The following RGS10 variants were observed in gnomAD, a reference collection of about 807,000 sequenced individuals.
The protein encoded by RGS10 is regulator of G protein signaling 10.
In RGS10, 11 loss-of-function variants were observed where a neutral mutation model predicts 23.5. That is an observed-to-expected ratio of 0.47 (90% CI 0.29 to 0.77). The LOEUF is 0.77. Among genes scored for constraint, RGS10 ranks in the 30% least tolerant of loss-of-function variants. RGS10 has a pLI of 0.08. For synonymous variants in RGS10, 77 were observed against 83.2 expected (o/e 0.92, Z 0.41); for missense variants, 180 against 226.3 (o/e 0.80, Z 1.31).
At chr10:119,540,234 T>G (rs1844424237) in intron 1 of RGS10, among the ~76,000 whole-genome samples, 1 of 152,070 alleles carries the variant, frequency 6.6e-6, no homozygotes, top group Admixed American at 6.5e-5. Context: ...TTCCTTCCTT[T>G]TTTCTTCCTT....
In RGS10 at chr10:119,524,899, G is replaced by T. The variant is rs980011012; in HGVS notation, c.255+1133C>A. 8.5e-5 allele frequency among the ~76,000 whole-genome samples: 13 copies of T among 152,154 alleles called. No homozygotes were observed. The highest frequency in any genetic ancestry group is 1.5e-4 in the Non-Finnish European group (10 of 68,036). ...CCAGGAGGATGGGTGTCTGCGCCCGGAAAGGCCTTTGAATAAACCCATGAT... is the reference window on the plus strand; with the variant it reads ...CCAGGAGGATGGGTGTCTGCGCCCGTAAAGGCCTTTGAATAAACCCATGAT... On this transcript the variant is annotated intron_variant, in intron 3 of 4. Transcript: ENST00000369103. The surrounding 1 kb of genome is among the most constrained non-coding windows in gnomAD (Gnocchi z 5.2).
At chr10:119,529,102 C>A (rs1844308020) in intron 1 of RGS10, among the ~76,000 whole-genome samples, 1 of 152,076 alleles carries the variant, frequency 6.6e-6, no homozygotes, top group Non-Finnish European at 1.5e-5. Flanking sequence ...GCATGTGATC[C>A]CTTCCTGGAG....
chr10:119,542,475 G>C (rs1023758829), intron 1 of RGS10, 115 bp downstream of exon 1: 3 of 904,010 alleles, frequency 3.3e-6, no homozygotes, highest in African/African-American at 1.7e-5. Flanking sequence ...GTCGGCCGGG[G>C]CTCCAGTCTG....
chr10:119,516,950 A>G (rs1844151534), intron 3 of RGS10, among the ~76,000 whole-genome samples: 1 of 152,198 alleles, frequency 6.6e-6, no homozygotes, highest in South Asian at 2.1e-4. Context: ...ACCTTACCCT[A>G]CAGAGCAAGG....
chr10:119,499,993 C>G lies in RGS10; in HGVS notation c.*120G>C. 1 of 949,812 alleles carries G rather than the reference C, an allele frequency of 1.1e-6. No individual in the cohort carries two copies. The highest frequency in any genetic ancestry group is 1.5e-6 in the Non-Finnish European group (1 of 651,220). 58.8% of individuals were successfully genotyped at this position (949,812 alleles called of 1,614,324 possible). A position where few individuals can be genotyped will look rare whatever the true frequency, so the allele number is the denominator to read the frequency against. On this transcript the variant is annotated 3_prime_UTR_variant, in exon 5 of 5. Coordinates refer to ENST00000369103, the MANE Select transcript of RGS10 (RefSeq NM_001005339.2). The stretch of plus-strand genomic sequence containing the variant: ...TGAAGCAGTTAATAAAACACACATC[C>G]CATTGAAGGGTTTTGTACATTTCAG...
intron 1 of RGS10, among the ~76,000 whole-genome samples, chr10:119,531,246 A>G (rs891340258): frequency 6.6e-6 from 1 of 152,216 alleles, no homozygotes; most frequent in Non-Finnish European, 1.5e-5. Context: ...AAGTAAATAA[A>G]TCTAGAGACA....
intron 4 of RGS10, among the ~76,000 whole-genome samples, chr10:119,509,534 T>C (rs761063589): frequency 5.7e-4 from 87 of 152,080 alleles, no homozygotes; most frequent in Non-Finnish European, 9.9e-4. Context: ...AAGGCTACAG[T>C]GAGCCAAGAT....
At chr10:119,502,294 C>A (rs1204322442) in intron 4 of RGS10, among the ~76,000 whole-genome samples, 1 of 152,112 alleles carries the variant, frequency 6.6e-6, no homozygotes, top group East Asian at 1.9e-4. Context: ...CACAAGAGTC[C>A]CCAAGGGGAA....
At chr10:119,540,720 C>T (rs1844427525) in intron 1 of RGS10, among the ~76,000 whole-genome samples, 1 of 152,240 alleles carries the variant, frequency 6.6e-6, no homozygotes, top group African/African-American at 2.4e-5. Flanking sequence ...ATGGTTCTAT[C>T]TGTCAGTCTT....
At chr10:119,528,324 C>T (rs1437366500) in intron 1 of RGS10, among the ~76,000 whole-genome samples, 1 of 152,140 alleles carries the variant, frequency 6.6e-6, no homozygotes, top group African/African-American at 2.4e-5. Context: ...AGCCACCGCG[C>T]CCAGTTCCTC....
At chr10:119,536,531 G>A (rs376313873) in intron 1 of RGS10, 830 of 1,600,256 alleles carry the variant, frequency 5.2e-4, no homozygotes, top group Non-Finnish European at 6.4e-4. Flanking sequence ...TCCCAGAGAC[G>A]CCTTGTGTGA....
chr10:119,528,608 C>T lies in RGS10; in HGVS notation c.50-1184G>A, dbSNP rs535180058. On this transcript the variant is annotated intron_variant, in intron 1 of 4. Coordinates refer to ENST00000369103, the MANE Select transcript of RGS10 (RefSeq NM_001005339.2). ...GTGCAGTGGCTCACACTTGTAATCC[C>T]AGCACTTTGGGAGGCCAAGGCAGGC... 1.1e-4 allele frequency among the ~76,000 whole-genome samples: 17 copies of T among 152,150 alleles called. 1 individual carries two copies. The South Asian group carries it at 3.1e-3, about 28-fold the overall frequency.
At chr10:119,522,071 C>A (rs1844224857) in intron 3 of RGS10, among the ~76,000 whole-genome samples, 2 of 152,186 alleles carry the variant, frequency 1.3e-5, no homozygotes, top group South Asian at 4.1e-4. Context: ...AAATGGAATG[C>A]CTTCATCCTA....
At chr10:119,532,651 C>A (rs1844343198) in intron 1 of RGS10, among the ~76,000 whole-genome samples, 1 of 152,076 alleles carries the variant, frequency 6.6e-6, no homozygotes, top group African/African-American at 2.4e-5. Context: ...ATCAGCCTGG[C>A]CAACATGGTG....
chr10:119,542,704 C>CGAG lies in RGS10; in HGVS notation c.-69_-67dup, dbSNP rs1311730284. 8 of 1,264,912 alleles carry CGAG rather than the reference C, an allele frequency of 6.3e-6. No homozygotes were observed. The highest frequency in any genetic ancestry group is 7.1e-6 in the Non-Finnish European group (7 of 988,592). 78.4% of individuals were successfully genotyped at this position (1,264,912 alleles called of 1,614,324 possible). ...GCGCGGCGGCTGAGCCGGAGGAAGG[C>CGAG]GAGGAGGAGGAGGAGGGCGAGGAGG... On this transcript the variant is annotated 5_prime_UTR_variant, in exon 1 of 5. Coordinates refer to ENST00000369103, the MANE Select transcript of RGS10 (RefSeq NM_001005339.2).
At chr10:119,515,743 C>G in intron 3 of RGS10, 91 bp from the exon 4 acceptor site, 1 of 1,510,904 alleles carries the variant, frequency 6.6e-7, no homozygotes, top group Non-Finnish European at 9.0e-7. Context: ...CCCACAGGAG[C>G]TGCTGTGGCA....
chr10:119,536,883 C>T lies in RGS10; in HGVS notation c.49+5707G>A, dbSNP rs190206225. Among the ~76,000 whole-genome samples the T allele has an allele frequency of 3.2e-3, 482 of 152,334 alleles. 5 individuals carry two copies. The highest frequency in any genetic ancestry group is 0.011 in the African/African-American group (450 of 41,578). ...TCCTACTCTGCCTCAATCTGTCCCG[C>T]ACCCTCCCTCGAGGCAAAGTAAATG... On this transcript the variant is annotated intron_variant, in intron 1 of 4. Transcript: ENST00000369103.
intron 1 of RGS10, among the ~76,000 whole-genome samples, chr10:119,531,467 A>G (rs1358729748): frequency 6.6e-6 from 1 of 152,098 alleles, no homozygotes; most frequent in Non-Finnish European, 1.5e-5. Flanking sequence ...AGCCAACAAA[A>G]TGTCTGAGAG....
intron 4 of RGS10, among the ~76,000 whole-genome samples, chr10:119,513,278 C>T (rs1283778510): frequency 1.3e-5 from 2 of 151,794 alleles, no homozygotes; most frequent in Admixed American, 1.3e-4. Flanking sequence ...GGCAACATAG[C>T]GAAAGTTCAT....
Sources: allele counts gnomAD v4.1 joint callset (sites outside exome capture counted in the v4.1 genomes callset), GRCh38; gene constraint gnomAD v4.1.1; non-coding constraint Gnocchi (gnomAD v3.1); transcripts MANE v1.5; gene names NCBI Gene and HGNC (gene_info 2026-07-23, HGNC 2026-07-21).